The following DLGAP2 variants were observed in gnomAD, a reference collection of about 807,000 sequenced individuals.
DLGAP2 encodes DLG associated protein 2, also known as disks large-associated protein 2.
A neutral mutation model predicts 100.3 loss-of-function variants in DLGAP2; 26 were observed. The observed-to-expected ratio is 0.26, with a 90% CI of 0.19 to 0.36. DLGAP2 has a LOEUF of 0.36. Ranked by LOEUF, DLGAP2 falls within the 10% of genes least tolerant of loss-of-function variation. The probability of loss-of-function intolerance (pLI) is 1.00; values close to 1 mark genes in which losing one functional copy is unlikely to be tolerated. For missense variants in DLGAP2, 1,858 were observed against 1,453.2 expected, an observed-to-expected ratio of 1.28 and a Z score of -4.53; for synonymous variants, 886 against 630.1, an observed-to-expected ratio of 1.41 and a Z score of -6.08.
intron 1 of DLGAP2, among the ~76,000 whole-genome samples, chr8:778,289 G>A (rs1325831763): frequency 1.3e-5 from 2 of 152,100 alleles, no homozygotes; most frequent in Non-Finnish European, 2.9e-5. Context: ...CCTTTGGTTT[G>A]CGTGTCCTCT....
intron 2 of DLGAP2, among the ~76,000 whole-genome samples, chr8:1,110,589 G>A (rs1016058718): frequency 7.2e-5 from 11 of 152,248 alleles, no homozygotes; most frequent in Non-Finnish European, 1.6e-4. Flanking sequence ...TGGGTCTTCA[G>A]TGTGTCTGCA....
chr8:1,459,528 C>T (rs1022635696), intron 3 of DLGAP2, among the ~76,000 whole-genome samples: 1 of 152,128 alleles, frequency 6.6e-6, no homozygotes, highest in Non-Finnish European at 1.5e-5. Flanking sequence ...TGGGCTTGGG[C>T]TCATTTCTTC....
At chr8:1,345,006 C>A (rs1352367010) in intron 3 of DLGAP2, among the ~76,000 whole-genome samples, 2 of 152,206 alleles carry the variant, frequency 1.3e-5, no homozygotes, top group Non-Finnish European at 2.9e-5. Flanking sequence ...AAAGTCCTTC[C>A]AAATTTGATA....
At chr8:1,181,399 T>C (rs577488084) in intron 2 of DLGAP2, among the ~76,000 whole-genome samples, 1 of 152,308 alleles carries the variant, frequency 6.6e-6, no homozygotes, top group South Asian at 2.1e-4. Context: ...CTAAGGATAA[T>C]GGCCTCCAGC....
chr8:1,639,746 G>T (rs1797853085), intron 8 of DLGAP2, among the ~76,000 whole-genome samples: 1 of 152,218 alleles, frequency 6.6e-6, no homozygotes, highest in Non-Finnish European at 1.5e-5. Flanking sequence ...CTTCCGGGGA[G>T]CCCGCTCCTT....
At chr8:1,359,929 A>G (rs1328526547) in intron 3 of DLGAP2, among the ~76,000 whole-genome samples, 1 of 152,178 alleles carries the variant, frequency 6.6e-6, no homozygotes, top group African/African-American at 2.4e-5. Context: ...TTGGAGAGTG[A>G]CTTAAACAGG....
intron 2 of DLGAP2, among the ~76,000 whole-genome samples, chr8:963,656 C>T (rs961002654): frequency 7.9e-5 from 12 of 151,840 alleles, no homozygotes; most frequent in African/African-American, 2.7e-4. Flanking sequence ...TTGGTGACCC[C>T]CAGGACCTAC....
intron 3 of DLGAP2, among the ~76,000 whole-genome samples, chr8:1,457,653 T>TCCTCACTATGTTAATTG (rs1447610075): frequency 6.6e-6 from 1 of 152,142 alleles, no homozygotes; most frequent in Non-Finnish European, 1.5e-5. Flanking sequence ...AGGCAATTTT[T>TCCTCACTATGTTAATTG]CCTCACTATG....
chr8:1,038,526 C>T (rs763515163), intron 2 of DLGAP2, among the ~76,000 whole-genome samples: 3 of 152,172 alleles, frequency 2.0e-5, no homozygotes, highest in Non-Finnish European at 4.4e-5. Context: ...AATTCTTGAG[C>T]AACATTTTAT....
At chr8:1,105,641 G>A (rs1284734930) in intron 2 of DLGAP2, among the ~76,000 whole-genome samples, 1 of 142,520 alleles carries the variant, frequency 7.0e-6, no homozygotes, top group Non-Finnish European at 1.5e-5. Context: ...TTACTGAAGG[G>A]AGCCATTCTA....
intron 1 of DLGAP2, among the ~76,000 whole-genome samples, chr8:847,819 G>A (rs1039015619): frequency 1.3e-5 from 2 of 152,050 alleles, no homozygotes; most frequent in African/African-American, 4.8e-5. Flanking sequence ...TTTGACTGTG[G>A]ACTTTTTCCT....
chr8:1,091,486 C>G (rs769238090), intron 2 of DLGAP2, among the ~76,000 whole-genome samples: 3 of 152,210 alleles, frequency 2.0e-5, no homozygotes, highest in African/African-American at 4.8e-5. Flanking sequence ...CGTCTTCATT[C>G]CACCATCCAG....
rs80076163 is a variant in DLGAP2 at position 996,600 on chromosome 8, G to A, written c.73+88634G>A. Among the ~76,000 whole-genome samples, 234 of 152,278 alleles carry A rather than the reference G, an allele frequency of 1.5e-3. 2 individuals are homozygous for A. The highest frequency in any genetic ancestry group is 3.5e-3 in the East Asian group (18 of 5,182). On this transcript the variant is annotated intron_variant, in intron 2 of 14. Transcript: ENST00000637795. The stretch of plus-strand genomic sequence containing the variant: ...CTCTCATGATGGAGAGACAAGTTTC[G>A]TTATCAACCTTATGAATATAAAAGG...
chr8:741,584 CT>C (rs1384129394), intron 1 of DLGAP2, among the ~76,000 whole-genome samples: 1 of 152,160 alleles, frequency 6.6e-6, no homozygotes, highest in Non-Finnish European at 1.5e-5. Context: ...TGTCAGTTGC[CT>C]TAGTTCTGGA....
intron 1 of DLGAP2, among the ~76,000 whole-genome samples, chr8:815,260 C>T (rs902304003): frequency 1.3e-5 from 2 of 152,200 alleles, no homozygotes; most frequent in African/African-American, 4.8e-5. Flanking sequence ...GGGTAGTGCC[C>T]TGTGTCTGTG....
chr8:855,738 CT>C (rs1393536470), intron 1 of DLGAP2, among the ~76,000 whole-genome samples: 1 of 152,134 alleles, frequency 6.6e-6, no homozygotes, highest in African/African-American at 2.4e-5. Flanking sequence ...CTATGCAAGG[CT>C]GGTTCAATAT....
chr8:889,144 A>G (rs528306837), intron 1 of DLGAP2, among the ~76,000 whole-genome samples: 1 of 152,276 alleles, frequency 6.6e-6, no homozygotes, highest in East Asian at 1.9e-4. Context: ...TCACAAGACA[A>G]TGTCATCAGT....
chr8:935,068 C>T (rs1799039457), intron 2 of DLGAP2, among the ~76,000 whole-genome samples: 2 of 152,318 alleles, frequency 1.3e-5, no homozygotes, highest in South Asian at 2.1e-4. Context: ...AACCGTGTAC[C>T]GCGAGCTGTG....
At chr8:1,273,174 G>C (rs1295874062) in intron 3 of DLGAP2, among the ~76,000 whole-genome samples, 3 of 152,158 alleles carry the variant, frequency 2.0e-5, no homozygotes, top group Admixed American at 2.0e-4. Flanking sequence ...TGTCTGAGTG[G>C]ACCTGGCCGG....
Sources: allele counts gnomAD v4.1 joint callset (sites outside exome capture counted in the v4.1 genomes callset), GRCh38; gene constraint gnomAD v4.1.1; transcripts MANE v1.5; gene names NCBI Gene and HGNC (gene_info 2026-07-23, HGNC 2026-07-21).